Variants in DENND5A observed in about 807,000 individuals in gnomAD.
DENND5A encodes the protein DENN domain-containing protein 5A.
Under a neutral mutation model 140.3 loss-of-function variants are expected in DENND5A, and 64 were observed. That is an observed-to-expected ratio of 0.46 (90% confidence interval 0.37 to 0.56). DENND5A has a LOEUF of 0.56. Among genes scored for constraint, DENND5A ranks in the 20% least tolerant of loss-of-function variants. DENND5A has a pLI of 0.00. For missense variants in DENND5A, 1,292 were observed against 1,593.8 expected (o/e 0.81, Z 3.22); for synonymous variants, 605 against 607.7 (o/e 1.00, Z 0.07).
At chr11:9,201,004 T>C (rs1338966540) in intron 4 of DENND5A, among the ~76,000 whole-genome samples, 1 of 152,102 alleles carries the variant, frequency 6.6e-6, no homozygotes, top group Non-Finnish European at 1.5e-5. Context: ...GGACCAAATC[T>C]GGGAAATTTG....
At chr11:9,168,168 T>C (rs1489284337) in intron 10 of DENND5A, among the ~76,000 whole-genome samples, 1 of 150,776 alleles carries the variant, frequency 6.6e-6, no homozygotes, top group East Asian at 1.9e-4. Flanking sequence ...CCCATCCAAA[T>C]CTCATCTTGA....
At chr11:9,201,232 A>G (rs950647221) in intron 4 of DENND5A, among the ~76,000 whole-genome samples, 4 of 151,714 alleles carry the variant, frequency 2.6e-5, no homozygotes, top group African/African-American at 9.7e-5. Context: ...TTAATTAGCC[A>G]GGCATGGTGG....
intron 8 of DENND5A, chr11:9,175,771 T>C (rs1019212528): frequency 4.0e-5 from 6 of 151,838 alleles, no homozygotes; most frequent in Non-Finnish European, 7.4e-5. Flanking sequence ...AATATCTATA[T>C]GAAAAAAAAA....
intron 4 of DENND5A, 82 bp from the exon 5 acceptor site, chr11:9,193,763 T>TTA (rs1326606769): frequency 8.4e-7 from 1 of 1,196,772 alleles, no homozygotes; most frequent in East Asian, 2.4e-5. Flanking sequence ...AAGTTAAAAC[T>TTA]TTCAGTACAA....
intron 1 of DENND5A, among the ~76,000 whole-genome samples, chr11:9,235,364 A>G (rs1318073591): frequency 6.6e-6 from 1 of 152,188 alleles, no homozygotes; most frequent in African/African-American, 2.4e-5. Context: ...TGAACCTTAA[A>G]AACATCCTGC....
intron 15 of DENND5A, among the ~76,000 whole-genome samples, chr11:9,148,930 G>T (rs1000566228): frequency 4.6e-5 from 7 of 152,224 alleles, no homozygotes; most frequent in African/African-American, 1.4e-4. Context: ...CAAAGAAACT[G>T]TGTGCATGCA....
chr11:9,249,877 G>A (rs1052126073), intron 1 of DENND5A, among the ~76,000 whole-genome samples: 3 of 151,916 alleles, frequency 2.0e-5, no homozygotes, highest in Non-Finnish European at 4.4e-5. Context: ...TGTAGAGACA[G>A]TGTTGCACTA....
At chr11:9,218,066 G>A (rs535615455) in intron 1 of DENND5A, among the ~76,000 whole-genome samples, 1 of 152,226 alleles carries the variant, frequency 6.6e-6, no homozygotes, top group East Asian at 1.9e-4. Context: ...ACCAACCTGG[G>A]CAACATGGCA....
At chr11:9,143,839 C>G (rs1318095346) in intron 19 of DENND5A, among the ~76,000 whole-genome samples, 1 of 152,210 alleles carries the variant, frequency 6.6e-6, no homozygotes, top group Non-Finnish European at 1.5e-5. Flanking sequence ...TTTAATGGAT[C>G]ATGCATGAAT....
rs1201316657 is a variant in DENND5A, at chr11:9,258,678, C to G, written c.109+6283G>C. ...TTGCTTGTTCCCCCCGCATCCACCACTCATCAAAGGTCTGCAAAGCATGCA... is the reference window on the plus strand; with the variant it reads ...TTGCTTGTTCCCCCCGCATCCACCAGTCATCAAAGGTCTGCAAAGCATGCA... On this transcript the variant is annotated intron_variant, in intron 1 of 22. Coordinates refer to ENST00000328194, the MANE Select transcript of DENND5A (RefSeq NM_015213.4). Among the ~76,000 whole-genome samples the G allele has an allele frequency of 2.0e-5, 3 of 152,110 alleles. No individual in the cohort carries two copies. In the East Asian group the frequency reaches 5.8e-4, roughly 29 times the overall value.
intron 2 of DENND5A, 52 bp from the exon 3 acceptor site, chr11:9,206,834 C>A (rs1040091265): frequency 1.5e-6 from 2 of 1,351,320 alleles, no homozygotes; most frequent in Non-Finnish European, 2.1e-6. Flanking sequence ...CTTTAAGTCA[C>A]AGGGTTATAA....
chr11:9,228,999 G>C (rs1046683333), intron 1 of DENND5A, among the ~76,000 whole-genome samples: 2 of 152,206 alleles, frequency 1.3e-5, no homozygotes, highest in South Asian at 4.1e-4. Flanking sequence ...ACTTATAGCA[G>C]GTTGGTCAAA....
intron 5 of DENND5A, among the ~76,000 whole-genome samples, chr11:9,185,756 T>C (rs1233929709): frequency 6.6e-6 from 1 of 152,130 alleles, no homozygotes; most frequent in Admixed American, 6.5e-5. Context: ...TGTTCCTGTA[T>C]GTGTGGTCTG....
chr11:9,222,621 A>G (rs770), intron 1 of DENND5A, among the ~76,000 whole-genome samples: 94,205 of 152,040 alleles, frequency 0.62, 29,789 homozygotes, highest in African/African-American at 0.72. Context: ...GAATAGGGAT[A>G]AATAGAGCCA....
intron 8 of DENND5A, among the ~76,000 whole-genome samples, chr11:9,174,102 CAAAAAAAAAAAA>C (rs57703622): frequency 0.021 from 890 of 42,184 alleles, 6 homozygotes; most frequent in Middle Eastern, 0.036. Context: ...GACTCCGTCT[CAAAAAAAAAAAA>C]AAAAAAAAAA....
rs369379255 is a variant in DENND5A at position 9,144,142 on chromosome 11, T to C, written c.3259A>G (p.Ser1087Gly). 8.1e-6 allele frequency: 13 copies of C among 1,613,962 alleles called. No homozygotes were observed. Among genetic ancestry groups the C allele is most frequent in the South Asian group, 3.3e-5 (3 of 91,072 alleles). Residue 1087 changes from serine (S) to glycine (G), a missense_variant, in exon 19 of 23, where the codon AGT becomes GGT. By Grantham distance (56) the Ser-to-Gly change is moderately conservative (BLOSUM62 0). Transcript: ENST00000328194. ...ATGGTAACAAGCCTCCGGATGACAC[T>C]GGGGGACTGCTGCAGCGGCGGGGTC... ...CRTPPLQQSP[S>G]VIRRLVTISP...
At chr11:9,221,366 G>C (rs1034124763) in intron 1 of DENND5A, among the ~76,000 whole-genome samples, 1 of 152,080 alleles carries the variant, frequency 6.6e-6, no homozygotes, top group Non-Finnish European at 1.5e-5. Context: ...GGGAGGCAGA[G>C]GTTGTAGTGA....
chr11:9,145,796 C>T lies in DENND5A; in HGVS notation c.2877G>A (p.Leu959=). 1 of 1,614,146 alleles carries T rather than the reference C, an allele frequency of 6.2e-7. No individual in the cohort carries two copies. The highest frequency in any genetic ancestry group is 1.1e-5 in the South Asian group (1 of 91,078). Residue 959 remains leucine, a synonymous_variant, in exon 17 of 23, where the codon CTG becomes CTA. Coordinates refer to ENST00000328194, the MANE Select transcript of DENND5A (RefSeq NM_015213.4). Reference sequence around the variant, plus strand: ...CCCCCAGCTTCTTGCTTGGTACGATCAGAATGTGGTACGGGATCACTGTTT... The same window carrying T: ...CCCCCAGCTTCTTGCTTGGTACGATTAGAATGTGGTACGGGATCACTGTTT... ...FTTILIPYHI[L]IVPSKKLGGS... is the part of the protein sequence containing the mutation.
At chr11:9,247,963 A>G (rs368337268) in intron 1 of DENND5A, among the ~76,000 whole-genome samples, 2 of 152,142 alleles carry the variant, frequency 1.3e-5, no homozygotes, top group Admixed American at 6.6e-5. Flanking sequence ...AGATAGAGTC[A>G]GGTTGGAATT....
Sources: allele counts gnomAD v4.1 joint callset (sites outside exome capture counted in the v4.1 genomes callset), GRCh38; gene constraint gnomAD v4.1.1; transcripts MANE v1.5; gene names NCBI Gene and HGNC (gene_info 2026-07-23, HGNC 2026-07-21).